AKT3: variants seen among roughly 807,000 people sequenced by gnomAD.
The protein encoded by AKT3 is AKT serine/threonine kinase 3.
AKT3 carries 15 observed loss-of-function variants against 65.3 expected under a neutral mutation model. The ratio of observed to expected loss-of-function variants is 0.23; its 90% CI spans 0.15 to 0.35. The LOEUF (loss-of-function observed/expected upper bound fraction) is 0.35. Among genes scored for constraint, AKT3 ranks in the 10% least tolerant of loss-of-function variants. The probability of loss-of-function intolerance (pLI) is 1.00; values close to 1 mark genes in which losing one functional copy is unlikely to be tolerated. For synonymous variants in AKT3, 206 were observed against 183.8 expected (o/e 1.12, Z -0.98); for missense variants, 243 against 576.5 (o/e 0.42, Z 5.92).
intron 2 of AKT3, among the ~76,000 whole-genome samples, chr1:243,765,192 T>C (rs1689737872): frequency 6.6e-6 from 1 of 152,130 alleles, no homozygotes; most frequent in Non-Finnish European, 1.5e-5. Flanking sequence ...ATTTAATGTG[T>C]ATAAAACTTA....
intron 2 of AKT3, 47 bp downstream of exon 2, chr1:243,843,078 C>T (rs781055792): frequency 1.9e-6 from 3 of 1,602,616 alleles, no homozygotes; most frequent in South Asian, 2.2e-5. Flanking sequence ...CCACTCACTG[C>T]TAGCACTCTT....
At chr1:243,512,654 A>T (rs1009802273) in intron 12 of AKT3, among the ~76,000 whole-genome samples, 2 of 152,120 alleles carry the variant, frequency 1.3e-5, no homozygotes, top group Non-Finnish European at 2.9e-5. Context: ...AAAACAACAA[A>T]AGAAAACCAT....
At chr1:243,572,805 A>G (rs1674661592) in intron 9 of AKT3, 121 bp downstream of exon 9, 2 of 1,100,216 alleles carry the variant, frequency 1.8e-6, no homozygotes, top group African/African-American at 1.6e-5. Context: ...ATTTTTAAAC[A>G]TAGTGCTTTT....
At chr1:243,705,712 C>T (rs1237595000) in intron 2 of AKT3, among the ~76,000 whole-genome samples, 4 of 152,090 alleles carry the variant, frequency 2.6e-5, no homozygotes, top group Non-Finnish European at 4.4e-5. Context: ...GAAGAATAAA[C>T]GGTGACTTTA....
In AKT3 at chr1:243,695,734, G is replaced by A. The variant is rs186964075; in HGVS notation, c.47-18C>T. The A allele has an allele frequency of 3.3e-5, 52 of 1,555,832 alleles. No individual in the cohort carries two copies. In the East Asian group the frequency reaches 4.1e-4, roughly 12 times the overall value. On this transcript the variant is annotated intron_variant, in intron 2 of 13. Coordinates refer to ENST00000673466, the MANE Select transcript of AKT3 (RefSeq NM_005465.7). ...ATATTCTCCTACATGAGGAAAGCAC[G>A]CATGTTAATGCTGAAAAAAATGAAC...
Position 243,513,776 on chromosome 1 carries a change from A to G in AKT3, c.1252-1350T>C, listed in dbSNP as rs151173042. ...TTCCACTGATCAGCTGGTAATGGCG[A>G]CTAATCCCTAAACTGAAACAAACTC... is the stretch of plus-strand genomic sequence containing the variant. On this transcript the variant is annotated intron_variant, in intron 12 of 13. Transcript: ENST00000673466. 6.4e-3 allele frequency among the ~76,000 whole-genome samples: 980 copies of G among 152,286 alleles called. 10 individuals carry two copies. Among genetic ancestry groups the G allele is most frequent in the African/African-American group, 0.022 (927 of 41,560 alleles).
chr1:243,663,652 T>A (rs1474216580), intron 4 of AKT3, among the ~76,000 whole-genome samples: 2 of 152,234 alleles, frequency 1.3e-5, no homozygotes, highest in Non-Finnish European at 2.9e-5. Flanking sequence ...ACTCTACTGA[T>A]CAAAAGTGTT....
In AKT3 at chr1:243,695,543, A is replaced by T. The variant is rs749175251; in HGVS notation, c.172+48T>A. 4 of 1,504,450 alleles carry T rather than the reference A, an allele frequency of 2.7e-6. No individual in the cohort carries two copies. The Admixed American group carries it at 7.9e-5, about 30-fold the overall frequency. The allele number at this position is 1,504,450 out of a possible 1,614,324, so 93.2% of individuals were successfully genotyped here. The stretch of plus-strand genomic sequence containing the variant: ...CCTAAGATATCTGACACATAAAATC[A>T]TAAAAATAAATAAATACAAGATGAA... On this transcript the variant is annotated intron_variant, in intron 3 of 13. Coordinates refer to ENST00000673466, the MANE Select transcript of AKT3 (RefSeq NM_005465.7).
intron 2 of AKT3, among the ~76,000 whole-genome samples, chr1:243,776,406 TG>T (rs372488684): frequency 3.0e-4 from 45 of 152,124 alleles, no homozygotes; most frequent in African/African-American, 9.7e-4. Flanking sequence ...TAGAGTTAGA[TG>T]AAGTTCAGGA....
intron 3 of AKT3, among the ~76,000 whole-genome samples, chr1:243,693,999 G>A (rs1305476550): frequency 1.3e-5 from 2 of 152,122 alleles, no homozygotes; most frequent in Non-Finnish European, 2.9e-5. Flanking sequence ...CAAGAGTGCA[G>A]CATTTATTTC....
chr1:243,517,550 T>A (rs1196058861), intron 12 of AKT3, among the ~76,000 whole-genome samples: 1 of 152,260 alleles, frequency 6.6e-6, no homozygotes, highest in Non-Finnish European at 1.5e-5. Context: ...TATTATGAAA[T>A]GTTCCTCCTT....
chr1:243,766,595 T>C (rs1415757501), intron 2 of AKT3, among the ~76,000 whole-genome samples: 1 of 151,918 alleles, frequency 6.6e-6, no homozygotes, highest in Non-Finnish European at 1.5e-5. Context: ...CAACCCCCAA[T>C]CTCCAATCTC....
chr1:243,697,506 A>G (rs919309406), intron 2 of AKT3, among the ~76,000 whole-genome samples: 1 of 152,066 alleles, frequency 6.6e-6, no homozygotes, highest in Non-Finnish European at 1.5e-5. Context: ...AGAACTTGAA[A>G]CTTTTAACAA....
chr1:243,597,562 C>T (rs758779603), intron 8 of AKT3, among the ~76,000 whole-genome samples: 3 of 152,100 alleles, frequency 2.0e-5, no homozygotes, highest in Admixed American at 6.6e-5. Context: ...GAAGTGCAGT[C>T]GCATGATGGC....
At chr1:243,603,028 T>A (rs761168422) in intron 8 of AKT3, among the ~76,000 whole-genome samples, 21 of 152,188 alleles carry the variant, frequency 1.4e-4, no homozygotes, top group Non-Finnish European at 2.5e-4. Context: ...ACCTCCTTAG[T>A]CAATTTTGTC....
At chr1:243,626,038 T>G (rs1402004476) in intron 6 of AKT3, among the ~76,000 whole-genome samples, 2 of 152,202 alleles carry the variant, frequency 1.3e-5, no homozygotes, top group African/African-American at 4.8e-5. Context: ...CATGCTGGAT[T>G]AACTTCATGG....
chr1:243,626,890 C>T (rs528207835), intron 6 of AKT3, among the ~76,000 whole-genome samples: 2 of 152,306 alleles, frequency 1.3e-5, no homozygotes, highest in Admixed American at 1.3e-4. Flanking sequence ...AGCTACTATA[C>T]TGCAGAAAGC....
chr1:243,681,174 T>C (rs1683890546), intron 3 of AKT3, among the ~76,000 whole-genome samples: 1 of 152,150 alleles, frequency 6.6e-6, no homozygotes, highest in Non-Finnish European at 1.5e-5. Context: ...TAAAATAGAC[T>C]GTTTGTCCTC....
At chr1:243,516,069 GGAATAATT>G (rs1670334503) in intron 12 of AKT3, among the ~76,000 whole-genome samples, 1 of 152,024 alleles carries the variant, frequency 6.6e-6, no homozygotes, top group South Asian at 2.1e-4. Flanking sequence ...TCAATTTTCT[GGAATAATT>G]TGTATAGAAC....
Sources: allele counts gnomAD v4.1 joint callset (sites outside exome capture counted in the v4.1 genomes callset), GRCh38; gene constraint gnomAD v4.1.1; transcripts MANE v1.5; gene names NCBI Gene and HGNC (gene_info 2026-07-23, HGNC 2026-07-21).